Variants in STAG1 observed in about 807,000 individuals in gnomAD.
The protein encoded by STAG1 is STAG1 cohesin complex component, also known as cohesin subunit SA-1.
A neutral mutation model predicts 170.9 loss-of-function variants in STAG1; 26 were observed. The ratio of observed to expected loss-of-function variants is 0.15; its 90% confidence interval spans 0.11 to 0.21. The LOEUF (loss-of-function observed/expected upper bound fraction) is 0.21, where lower values mean the gene tolerates loss of function less well. Ranked by LOEUF, STAG1 falls within the 10% of genes least tolerant of loss-of-function variation. The pLI, the probability that STAG1 is intolerant of heterozygous loss-of-function variation, is 1.00. For synonymous variants in STAG1, 514 were observed against 497.7 expected (o/e 1.03, Z -0.44); for missense variants, 964 against 1,509.5 (o/e 0.64, Z 5.99).
intron 6 of STAG1, among the ~76,000 whole-genome samples, chr3:136,521,623 C>G (rs967028107): frequency 6.6e-6 from 1 of 152,108 alleles, no homozygotes; most frequent in African/African-American, 2.4e-5. Flanking sequence ...CTCAAAATTA[C>G]TATTTTAGAA....
intron 6 of STAG1, among the ~76,000 whole-genome samples, chr3:136,526,581 T>C (rs1230270059): frequency 6.6e-6 from 1 of 152,206 alleles, no homozygotes; most frequent in African/African-American, 2.4e-5. Context: ...AATTGGAGCA[T>C]TTAGTCCATT....
At chr3:136,435,793 C>T (rs2088442938) in intron 15 of STAG1, among the ~76,000 whole-genome samples, 1 of 151,988 alleles carries the variant, frequency 6.6e-6, no homozygotes, top group East Asian at 1.9e-4. Flanking sequence ...CCTCAGCCTC[C>T]CTAGTAGCTG....
intron 3 of STAG1, among the ~76,000 whole-genome samples, chr3:136,620,120 A>T (rs1022337777): frequency 1.3e-5 from 2 of 152,106 alleles, no homozygotes; most frequent in African/African-American, 2.4e-5. Context: ...TAAAGGAAAC[A>T]ATACTGCCTA....
At chr3:136,630,491 T>C (rs1182297031) in intron 2 of STAG1, among the ~76,000 whole-genome samples, 1 of 152,224 alleles carries the variant, frequency 6.6e-6, no homozygotes, top group Non-Finnish European at 1.5e-5. Context: ...CACGCAATAC[T>C]ATCACTGTCA....
In STAG1 at chr3:136,611,236, G is replaced by A. The variant is rs372454328; in HGVS notation, c.133-6763C>T. ...ACAATCTAGGCTCACTGCAACCTCCGCCTCCTGGGTTCGAGCGATTCTCCT... is the reference window on the plus strand; with the variant it reads ...ACAATCTAGGCTCACTGCAACCTCCACCTCCTGGGTTCGAGCGATTCTCCT... On this transcript the variant is annotated intron_variant, in intron 3 of 33. Transcript: ENST00000383202. Among the ~76,000 whole-genome samples the A allele has an allele frequency of 9.2e-5, 14 of 151,534 alleles. No homozygotes were observed. In the East Asian group the frequency reaches 1.2e-3, roughly 13 times the overall value.
intron 5 of STAG1, among the ~76,000 whole-genome samples, chr3:136,557,231 C>A (rs1399747535): frequency 2.6e-5 from 4 of 151,818 alleles, no homozygotes; most frequent in African/African-American, 9.7e-5. Context: ...GGGTGAGACA[C>A]CATTTTAAAA....
chr3:136,619,512 C>A (rs1292311248), intron 3 of STAG1, among the ~76,000 whole-genome samples: 1 of 151,844 alleles, frequency 6.6e-6, no homozygotes, highest in Non-Finnish European at 1.5e-5. Context: ...AATCCCAATA[C>A]TTTGTGAGGC....
Position 136,470,608 on chromosome 3 carries a change from C to T in STAG1, c.1205+1805G>A, listed in dbSNP as rs190103091. On this transcript the variant is annotated intron_variant, in intron 12 of 33. Coordinates refer to ENST00000383202, the MANE Select transcript of STAG1 (RefSeq NM_005862.3). ...CCTCAAGGATCTAGAACTAGAAATA[C>T]CATTTGACCCAGCCATCCCATTACT... Among the ~76,000 whole-genome samples, 516 of 152,282 alleles carry T rather than the reference C, an allele frequency of 3.4e-3. 7 individuals are homozygous for T. In the East Asian group the frequency reaches 0.049, roughly 14 times the overall value.
At chr3:136,585,140 C>T (rs1026580686) in intron 4 of STAG1, among the ~76,000 whole-genome samples, 5 of 152,278 alleles carry the variant, frequency 3.3e-5, no homozygotes, top group Non-Finnish European at 5.9e-5. Context: ...TTCTCACTTA[C>T]GTCTTTTAAA....
rs146270857 is a variant in STAG1 at position 136,396,520 on chromosome 3, C to CTTTTTTTTTTTTTTT, written c.2277+2214_2277+2228dup. On this transcript the variant is annotated intron_variant, in intron 22 of 33. Transcript: ENST00000383202. ...ACAGGCGTGAGCCACCGCGCCTGGC[C>CTTTTTTTTTTTTTTT]TTTTTTTTTTTTTTTTTTTTTTTTT... Among the ~76,000 whole-genome samples, 22 of 43,656 alleles carry CTTTTTTTTTTTTTTT rather than the reference C, an allele frequency of 5.0e-4. 4 individuals carry two copies. The highest frequency in any genetic ancestry group is 1.0e-3 in the African/African-American group (9 of 8,644). 28.6% of individuals were successfully genotyped at this position (43,656 alleles called of 152,430 possible).
At chr3:136,586,365 C>T (rs562850706) in intron 4 of STAG1, among the ~76,000 whole-genome samples, 13 of 152,010 alleles carry the variant, frequency 8.6e-5, no homozygotes, top group African/African-American at 3.1e-4. Flanking sequence ...AGGGATAAAG[C>T]CTTTGGAAAA....
At position 136,341,456 on chromosome 3, in the gene STAG1, C is replaced by A. The variant is rs779362177; in HGVS notation, c.3542G>T (p.Gly1181Val). The A allele has an allele frequency of 6.2e-7, 1 of 1,611,444 alleles. No individual in the cohort carries two copies. Residue 1181 changes from glycine to valine, a missense_variant, in exon 31 of 34, where the codon GGA becomes GTA. Coordinates refer to ENST00000383202, the MANE Select transcript of STAG1 (RefSeq NM_005862.3). Reference sequence around the variant, plus strand: ...TAACACTTACACAGCATGCCTCACTCCAGTTCTCACTTTCATGTAGTTCAT... The same window carrying A: ...TAACACTTACACAGCATGCCTCACTACAGTTCTCACTTTCATGTAGTTCAT... ...TGMNYMKVRTGVRHAVRGLME... is the reference protein window; with the variant it reads ...TGMNYMKVRTVVRHAVRGLME...
chr3:136,682,698 CACTGAA>C (rs962028620), intron 1 of STAG1, among the ~76,000 whole-genome samples: 5 of 151,876 alleles, frequency 3.3e-5, no homozygotes, highest in African/African-American at 1.2e-4. Context: ...AAGACTTAAA[CACTGAA>C]AACTATAAAT....
intron 1 of STAG1, among the ~76,000 whole-genome samples, chr3:136,699,846 T>C (rs930467928): frequency 6.6e-6 from 1 of 152,094 alleles, no homozygotes; most frequent in Non-Finnish European, 1.5e-5. Context: ...AAACGATCAC[T>C]TCCACATCCC....
At chr3:136,423,954 C>T (rs1239070216) in intron 16 of STAG1, among the ~76,000 whole-genome samples, 5 of 151,178 alleles carry the variant, frequency 3.3e-5, no homozygotes, top group Non-Finnish European at 5.9e-5. Context: ...ACCTCTGCCT[C>T]CTGGGTTCTA....
chr3:136,515,998 A>C (rs963891787), intron 7 of STAG1, among the ~76,000 whole-genome samples: 5 of 152,124 alleles, frequency 3.3e-5, no homozygotes, highest in Non-Finnish European at 7.4e-5. Context: ...AAAAGGTCAA[A>C]CTCTAGAAGA....
At chr3:136,453,699 A>G (rs1345665792) in intron 13 of STAG1, among the ~76,000 whole-genome samples, 2 of 151,878 alleles carry the variant, frequency 1.3e-5, no homozygotes, top group African/African-American at 4.8e-5. Context: ...TGGAGCTCTC[A>G]CTTTAGTGAA....
intron 23 of STAG1, among the ~76,000 whole-genome samples, chr3:136,377,386 C>CAAAAA (rs57934830): frequency 9.4e-5 from 4 of 42,582 alleles, no homozygotes; most frequent in African/African-American, 2.5e-4. Flanking sequence ...GACTCTGTCT[C>CAAAAA]AAAAAAAAAA....
chr3:136,657,076 T>C (rs192943777), intron 1 of STAG1, among the ~76,000 whole-genome samples: 2 of 151,778 alleles, frequency 1.3e-5, no homozygotes, highest in East Asian at 3.9e-4. Context: ...TTATACACTA[T>C]TAAGAACTAT....
Sources: allele counts gnomAD v4.1 joint callset (sites outside exome capture counted in the v4.1 genomes callset), GRCh38; gene constraint gnomAD v4.1.1; transcripts MANE v1.5; gene names NCBI Gene and HGNC (gene_info 2026-07-23, HGNC 2026-07-21).